Variants in CAPN15 observed in about 807,000 individuals in gnomAD.
The protein encoded by CAPN15 is calpain-15.
CAPN15 carries 53 observed loss-of-function variants against 97.9 expected under a neutral mutation model. The observed-to-expected ratio is 0.54, with a 90% confidence interval of 0.43 to 0.68. The LOEUF (loss-of-function observed/expected upper bound fraction) is 0.68, where lower values mean the gene tolerates loss of function less well. CAPN15 is among the 30% of genes least tolerant of loss of function. The pLI, the probability that CAPN15 is intolerant of heterozygous loss-of-function variation, is 0.00. For missense variants in CAPN15, 1,592 were observed against 1,589.8 expected (o/e 1.00, Z -0.02); for synonymous variants, 922 against 722.5 (o/e 1.28, Z -4.43).
Position 547,424 on chromosome 16 carries a change from G to A in CAPN15, c.586G>A (p.Val196Met), listed in dbSNP as rs368827959. The A allele has an allele frequency of 3.0e-5, 48 of 1,577,118 alleles. No homozygotes were observed. Among genetic ancestry groups the A allele is most frequent in the African/African-American group, 6.7e-5 (5 of 74,222 alleles). ...EVVAPAGFHV[V>M]PAAPPPGLPG... ...GGTGGCCCCGGCCGGCTTCCACGTCGTGCCTGCCGCGCCTCCACCTGGCCT... is the reference window on the plus strand; with the variant it reads ...GGTGGCCCCGGCCGGCTTCCACGTCATGCCTGCCGCGCCTCCACCTGGCCT... The change falls in exon 4 of 14, where the codon GTG (valine) becomes ATG (methionine). Residue 196 changes from valine to methionine, a missense_variant. Around this residue, in one of 3 missense-constraint regions of CAPN15, gnomAD observed 883 missense variants for 776.6 expected, o/e 1.14. Coordinates refer to ENST00000219611, the MANE Select transcript of CAPN15 (RefSeq NM_005632.3).
At chr16:545,194 C>T (rs902768453) in intron 3 of CAPN15, among the ~76,000 whole-genome samples, 23 of 152,068 alleles carry the variant, frequency 1.5e-4, no homozygotes, top group Non-Finnish European at 2.9e-4. Context: ...AAAACAACAT[C>T]TTTGTAAGGG....
At chr16:534,216 G>T (rs576654465) in intron 2 of CAPN15, among the ~76,000 whole-genome samples, 1 of 152,250 alleles carries the variant, frequency 6.6e-6, no homozygotes, top group Non-Finnish European at 1.5e-5. Context: ...CGGTGAGGGC[G>T]GCCCGGGGTC....
chr16:553,141 GC>G (rs1171174142), intron 13 of CAPN15, 100 bp downstream of exon 13: 29 of 482,948 alleles, frequency 6.0e-5, no homozygotes, highest in Middle Eastern at 5.6e-4. Context: ...CTGCACAGGT[GC>G]CCCCTCCCCT....
At position 549,685 on chromosome 16, in the gene CAPN15, C is replaced by T. The variant is rs1596354117; in HGVS notation, c.1913C>T (p.Ala638Val). The T allele has an allele frequency of 1.9e-6, 3 of 1,562,996 alleles. No individual in the cohort carries two copies. Among genetic ancestry groups the T allele is most frequent in the Non-Finnish European group, 2.6e-6 (3 of 1,157,258 alleles). Residue 638 changes from alanine (A) to valine (V), a missense_variant, in exon 7 of 14, where the codon GCG (alanine) becomes GTG (valine). This residue lies in a region of CAPN15 where 644 missense variants were observed against 699.6 expected (regional missense o/e 0.92). Transcript: ENST00000219611. ...ALAKLHGSYFALQAGRAIEGL... is the reference protein window; with the variant it reads ...ALAKLHGSYFVLQAGRAIEGL... ...GCCAAGCTGCACGGCTCCTACTTTG[C>T]GCTCCAGGCGGGCCGCGCCATCGAA... is the stretch of plus-strand genomic sequence containing the variant.
chr16:546,766 C>T, intron 3 of CAPN15, 51 bp from the exon 4 acceptor site: 1 of 1,510,124 alleles, frequency 6.6e-7, no homozygotes. Context: ...GGGTGGGGTC[C>T]AGCCACTCAG....
chr16:537,339 A>C, intron 3 of CAPN15: 2 of 985,524 alleles, frequency 2.0e-6, no homozygotes, highest in Non-Finnish European at 2.4e-6. Context: ...GCTGGGCACC[A>C]CTTCTGCCTT....
chr16:528,382 C>T (rs971314308), intron 1 of CAPN15, among the ~76,000 whole-genome samples: 8 of 152,312 alleles, frequency 5.3e-5, no homozygotes, highest in Middle Eastern at 3.4e-3. Context: ...CTTGAGTGCC[C>T]TTATATCCGG....
At chr16:549,572 G>A (rs1265490619) in intron 6 of CAPN15, 43 bp from the exon 7 acceptor site, 52 of 1,503,798 alleles carry the variant, frequency 3.5e-5, no homozygotes, top group Non-Finnish European at 4.6e-5. Flanking sequence ...GGCGGGTAGT[G>A]TGGGGGGCGG....
chr16:528,624 A>G, intron 1 of CAPN15: 4 of 618,008 alleles, frequency 6.5e-6, no homozygotes, highest in Non-Finnish European at 8.1e-6. Flanking sequence ...GGGCCCCTCT[A>G]GTCCTGACCG....
In CAPN15 at chr16:552,799, C is replaced by CGTGGGGGGG; in HGVS notation, c.2904+34_2904+35insGGGGTGGGG. 6.6e-7 allele frequency: 1 copy of CGTGGGGGGG among 1,511,146 alleles called. No homozygotes were observed. Among genetic ancestry groups the CGTGGGGGGG allele is most frequent in the Non-Finnish European group, 8.9e-7 (1 of 1,124,784 alleles). The allele number at this position is 1,511,146 out of a possible 1,614,324, so 93.6% of individuals were successfully genotyped here. A position where few individuals can be genotyped will look rare whatever the true frequency, so the allele number is the denominator to read the frequency against. ...GGGTGGGGGTCCCGGGGGAGGGTGGCGTGGGGCAGGGGGAGTATGCCCCAG... is the reference window on the plus strand; with the variant it reads ...GGGTGGGGGTCCCGGGGGAGGGTGGCGTGGGGGGGGTGGGGCAGGGGGAGTATGCCCCAG... On this transcript the variant is annotated intron_variant, in intron 12 of 13. Transcript: ENST00000219611. This position sits in a 1 kb window ranked among gnomAD's most constrained non-coding sequence, Gnocchi z 6.4.
chr16:530,749 TG>T (rs1247090375), intron 1 of CAPN15, among the ~76,000 whole-genome samples: 1 of 152,128 alleles, frequency 6.6e-6, no homozygotes, highest in Non-Finnish European at 1.5e-5. Context: ...TGTGGGAGGA[TG>T]GGGGCATCCT....
At chr16:545,798 G>A (rs2034544014) in intron 3 of CAPN15, among the ~76,000 whole-genome samples, 1 of 152,230 alleles carries the variant, frequency 6.6e-6, no homozygotes, top group South Asian at 2.1e-4. Flanking sequence ...ACCTCCCGGA[G>A]TGGGGGCTGC....
At chr16:529,046 G>A (rs2033056079) in intron 1 of CAPN15, among the ~76,000 whole-genome samples, 1 of 152,174 alleles carries the variant, frequency 6.6e-6, no homozygotes, top group Non-Finnish European at 1.5e-5. Flanking sequence ...CCTGTCTGGG[G>A]GAGGCAGGTC....
In CAPN15 at chr16:553,991, C is replaced by A; in HGVS notation, c.*475C>A. 1 of 184,046 alleles carries A rather than the reference C, an allele frequency of 5.4e-6. No individual in the cohort carries two copies. Among genetic ancestry groups the A allele is most frequent in the Non-Finnish European group, 1.1e-5 (1 of 89,646 alleles). 11.4% of individuals were successfully genotyped at this position (184,046 alleles called of 1,614,324 possible). On this transcript the variant is annotated 3_prime_UTR_variant, in exon 14 of 14. Transcript: ENST00000219611. ...GGGTCCCTGTCCCCCACAGGGCAGG[C>A]GGGGTCCCTGGAGCCCTGGTGTGGA...
At chr16:531,196 C>A (rs374717824) in intron 1 of CAPN15, among the ~76,000 whole-genome samples, 2 of 152,216 alleles carry the variant, frequency 1.3e-5, no homozygotes, top group African/African-American at 4.8e-5. Context: ...TTTATTTTAA[C>A]ATTTTTTAAG....
chr16:542,846 G>A (rs1345523620), intron 3 of CAPN15, among the ~76,000 whole-genome samples: 1 of 152,176 alleles, frequency 6.6e-6, no homozygotes, highest in Non-Finnish European at 1.5e-5. Context: ...CTGAGGTCAG[G>A]AGTTCAAGAC....
intron 3 of CAPN15, 49 bp downstream of exon 3, chr16:536,191 C>A: frequency 1.8e-6 from 1 of 541,896 alleles, no homozygotes; most frequent in Non-Finnish European, 2.4e-6. Flanking sequence ...AGGCCCTGTC[C>A]CTGCTGTCCT....
At chr16:545,979 G>C in intron 3 of CAPN15, among the ~76,000 whole-genome samples, 1 of 152,342 alleles carries the variant, frequency 6.6e-6, no homozygotes. Context: ...GGCTGTCTAC[G>C]GGCAGATTGC....
Position 554,171 on chromosome 16 carries a change from G to A in CAPN15, c.*655G>A. The A allele has an allele frequency of 3.7e-6, 1 of 272,162 alleles. No homozygotes were observed. The highest frequency in any genetic ancestry group is 4.1e-5 in the South Asian group (1 of 24,420). 16.9% of individuals were successfully genotyped at this position (272,162 alleles called of 1,614,324 possible). A position where few individuals can be genotyped will look rare whatever the true frequency, so the allele number is the denominator to read the frequency against. On this transcript the variant is annotated 3_prime_UTR_variant, in exon 14 of 14. Coordinates refer to ENST00000219611, the MANE Select transcript of CAPN15 (RefSeq NM_005632.3). ...CGCTGTGGGTGGGCACCAGTTCTCAGCACCGCTCACTGCTGCCGGGCACAC... is the reference window on the plus strand; with the variant it reads ...CGCTGTGGGTGGGCACCAGTTCTCAACACCGCTCACTGCTGCCGGGCACAC...
Sources: gnomAD v4.1 joint callset for allele counts (sites outside exome capture counted in the v4.1 genomes callset) on GRCh38, gnomAD v4.1.1 for gene constraint, gnomAD v4.1.1 regional missense constraint, Gnocchi (gnomAD v3.1) non-coding constraint, MANE v1.5 for transcripts, NCBI Gene and HGNC (gene_info 2026-07-23, HGNC 2026-07-21) for gene names.